Variants in TSHZ3 observed in about 807,000 individuals in gnomAD.
The protein encoded by TSHZ3 is teashirt zinc finger homeobox 3.
A neutral mutation model predicts 64.5 loss-of-function variants in TSHZ3; 10 were observed. That is an observed-to-expected ratio of 0.16 (90% CI 0.10 to 0.26). TSHZ3 has a LOEUF of 0.26. TSHZ3 is among the 10% of genes least tolerant of loss of function. The pLI is 1.00. For missense variants in TSHZ3, 1,242 were observed against 1,421.7 expected, an observed-to-expected ratio of 0.87 and a Z score of 2.03; for synonymous variants, 608 against 593.1, an observed-to-expected ratio of 1.03 and a Z score of -0.36.
At chr19:31,252,579 A>G (rs149688249) in intron 1 of TSHZ3, among the ~76,000 whole-genome samples, 1 of 152,128 alleles carries the variant, frequency 6.6e-6, no homozygotes, top group Admixed American at 6.6e-5. Flanking sequence ...TTCTCAGAAG[A>G]TCTGATGGTT....
intron 5 of TSHZ3, among the ~76,000 whole-genome samples, chr19:31,200,558 T>C (rs1431894261): frequency 6.6e-6 from 1 of 152,128 alleles, no homozygotes; most frequent in Non-Finnish European, 1.5e-5. Flanking sequence ...ATCAGTAGTG[T>C]CCAGTGGAGG....
intron 5 of TSHZ3, among the ~76,000 whole-genome samples, chr19:31,156,467 C>T (rs141167853): frequency 0.022 from 3,297 of 152,240 alleles, 69 homozygotes; most frequent in Middle Eastern, 0.1. Flanking sequence ...CCCACTGGCA[C>T]CAGTTTTTGT....
chr19:31,236,513 G>T (rs1975617639), intron 3 of TSHZ3, among the ~76,000 whole-genome samples: 1 of 152,102 alleles, frequency 6.6e-6, no homozygotes, highest in Non-Finnish European at 1.5e-5. Context: ...AATTGTTCGA[G>T]TTCTTTTAAA....
intron 1 of TSHZ3, among the ~76,000 whole-genome samples, chr19:31,289,906 T>C (rs961598606): frequency 6.6e-6 from 1 of 152,044 alleles, no homozygotes; most frequent in African/African-American, 2.4e-5. Flanking sequence ...ACCTGGAAAA[T>C]CTGGATGAAT....
At chr19:31,331,676 T>C (rs1917099430) in intron 1 of TSHZ3, among the ~76,000 whole-genome samples, 1 of 152,244 alleles carries the variant, frequency 6.6e-6, no homozygotes, top group Non-Finnish European at 1.5e-5. Flanking sequence ...GCATTCACTG[T>C]GTCACTGCGG....
chr19:31,168,410 T>TTTCTAGCACA (rs1974487048), intron 5 of TSHZ3, among the ~76,000 whole-genome samples: 1 of 152,204 alleles, frequency 6.6e-6, no homozygotes, highest in African/African-American at 2.4e-5. Flanking sequence ...CCAAAAAGAC[T>TTTCTAGCACA]TAGTTCTAGC....
intron 4 of TSHZ3, among the ~76,000 whole-genome samples, chr19:31,213,764 T>G (rs916437551): frequency 6.6e-6 from 1 of 152,170 alleles, no homozygotes; most frequent in African/African-American, 2.4e-5. Context: ...AGGAGCAGAT[T>G]ACATAAAAGG....
chr19:31,221,315 T>A (rs1461591736), intron 4 of TSHZ3, among the ~76,000 whole-genome samples: 1 of 152,174 alleles, frequency 6.6e-6, no homozygotes, highest in Non-Finnish European at 1.5e-5. Flanking sequence ...ATGAGTGCAG[T>A]GATACACATA....
chr19:31,164,664 T>C (rs1374074907), intron 5 of TSHZ3, among the ~76,000 whole-genome samples: 5 of 152,134 alleles, frequency 3.3e-5, no homozygotes, highest in African/African-American at 9.7e-5. Context: ...TTTGGCAGAA[T>C]GATGGGCGAG....
At chr19:31,271,143 C>G (rs1976130486), downstream of TSHZ3, among the ~76,000 whole-genome samples, 1 of 152,114 alleles carries the variant, frequency 6.6e-6, no homozygotes, top group Non-Finnish European at 1.5e-5. Flanking sequence ...GGCCGCTAAC[C>G]AACAATTTGG....
chr19:31,158,073 T>C (rs189846541), intron 5 of TSHZ3, among the ~76,000 whole-genome samples: 75 of 152,342 alleles, frequency 4.9e-4, no homozygotes, highest in African/African-American at 1.7e-3. Flanking sequence ...ACTATAGATA[T>C]ACATATAATT....
downstream of TSHZ3, among the ~76,000 whole-genome samples, chr19:31,271,359 C>T (rs2145205970): frequency 6.6e-6 from 1 of 152,226 alleles, no homozygotes; most frequent in South Asian, 2.1e-4. Flanking sequence ...CTTGTGGAAA[C>T]TCAATGGAGT....
intron 1 of TSHZ3, among the ~76,000 whole-genome samples, chr19:31,320,389 C>T (rs1343593113): frequency 1.3e-5 from 2 of 152,156 alleles, no homozygotes; most frequent in East Asian, 3.9e-4. Flanking sequence ...CCCGTGGCTG[C>T]CGTTCCTTCA....
chr19:31,292,752 ATC>A (rs1976590435), intron 1 of TSHZ3, among the ~76,000 whole-genome samples: 1 of 151,266 alleles, frequency 6.6e-6, no homozygotes, highest in African/African-American at 2.4e-5. Flanking sequence ...CCATCCATCC[ATC>A]CATCCATCCA....
intron 1 of TSHZ3, among the ~76,000 whole-genome samples, chr19:31,281,218 G>C (rs1432993785): frequency 6.6e-6 from 1 of 152,040 alleles, no homozygotes; most frequent in Non-Finnish European, 1.5e-5. Flanking sequence ...TTTCACATCA[G>C]AAAACCAACA....
At chr19:31,261,746 G>A (rs1159567864) in intron 1 of TSHZ3, among the ~76,000 whole-genome samples, 1 of 152,094 alleles carries the variant, frequency 6.6e-6, no homozygotes, top group Non-Finnish European at 1.5e-5. Context: ...CCGGGGGAGA[G>A]GTCTGAATTT....
At chr19:31,335,006 C>G (rs959905828) in intron 1 of TSHZ3, among the ~76,000 whole-genome samples, 1 of 152,092 alleles carries the variant, frequency 6.6e-6, no homozygotes, top group South Asian at 2.1e-4. Context: ...GCAAGAAACA[C>G]AAGATCCTGA....
chr19:31,288,581 C>T (rs1426249346), intron 1 of TSHZ3, among the ~76,000 whole-genome samples: 2 of 152,074 alleles, frequency 1.3e-5, no homozygotes, highest in East Asian at 1.9e-4. Flanking sequence ...TCTGCTCTGT[C>T]GCCCAGCCTG....
chr19:31,319,193 T>A (rs544514422), intron 1 of TSHZ3, among the ~76,000 whole-genome samples: 3 of 152,270 alleles, frequency 2.0e-5, no homozygotes, highest in Middle Eastern at 6.8e-3. Context: ...ACCTCACAAC[T>A]TAGCAACACT....
Sources: gnomAD v4.1 joint callset for allele counts (sites outside exome capture counted in the v4.1 genomes callset) on GRCh38, gnomAD v4.1.1 for gene constraint, MANE v1.5 for transcripts, NCBI Gene and HGNC (gene_info 2026-07-23, HGNC 2026-07-21) for gene names.